Variants in FBXL7 observed in about 807,000 individuals in gnomAD.
FBXL7 encodes the protein F-box/LRR-repeat protein 7.
Under a neutral mutation model 38.3 loss-of-function variants are expected in FBXL7, and 12 were observed. The observed-to-expected ratio is 0.31, with a 90% CI of 0.20 to 0.51. FBXL7 has a LOEUF of 0.51. Ranked by LOEUF, FBXL7 falls within the 20% of genes least tolerant of loss-of-function variation. The pLI is 0.98. For synonymous variants in FBXL7, 297 were observed against 300.9 expected (o/e 0.99, Z 0.13); for missense variants, 567 against 676.4 (o/e 0.84, Z 1.79).
intron 2 of FBXL7, among the ~76,000 whole-genome samples, chr5:15,754,494 A>T (rs529962451): frequency 1.3e-5 from 2 of 152,320 alleles, no homozygotes; most frequent in South Asian, 4.1e-4. Flanking sequence ...AGTGTAAATG[A>T]TGTGACACAT....
chr5:15,757,942 A>G (rs1412454462), intron 2 of FBXL7, among the ~76,000 whole-genome samples: 1 of 152,102 alleles, frequency 6.6e-6, no homozygotes, highest in Non-Finnish European at 1.5e-5. Flanking sequence ...GATGAGCCCA[A>G]ATGGTTCCCT....
intron 2 of FBXL7, among the ~76,000 whole-genome samples, chr5:15,806,959 C>CT (rs1364058543): frequency 2.4e-4 from 36 of 151,090 alleles, no homozygotes; most frequent in Admixed American, 7.2e-4. Context: ...TTTTCTTTTC[C>CT]TTTTTTTTGA....
intron 2 of FBXL7, among the ~76,000 whole-genome samples, chr5:15,788,936 C>T (rs1279325857): frequency 1.3e-5 from 2 of 148,174 alleles, no homozygotes; most frequent in South Asian, 2.2e-4. Flanking sequence ...CTGCAAGCTC[C>T]GCCTCCCGGG....
At chr5:15,866,926 A>G (rs774576953) in intron 2 of FBXL7, among the ~76,000 whole-genome samples, 4 of 152,042 alleles carry the variant, frequency 2.6e-5, no homozygotes, top group Non-Finnish European at 4.4e-5. Context: ...CATCACTTAT[A>G]TGGAATGGGG....
chr5:15,791,083 G>A (rs1006380238), intron 2 of FBXL7, among the ~76,000 whole-genome samples: 1 of 122,826 alleles, frequency 8.1e-6, no homozygotes, highest in South Asian at 3.1e-4. Flanking sequence ...GGGGGGGGGG[G>A]TTATTGCATG....
intron 2 of FBXL7, among the ~76,000 whole-genome samples, chr5:15,904,883 C>T (rs1290862876): frequency 6.6e-6 from 1 of 152,112 alleles, no homozygotes; most frequent in Non-Finnish European, 1.5e-5. Flanking sequence ...TACTAGGATA[C>T]TGAATATGCA....
At position 15,936,769 on chromosome 5, in the gene FBXL7, G is replaced by A. The variant is rs1263545970; in HGVS notation, c.1059G>A (p.Arg353=). 3.7e-6 allele frequency: 6 copies of A among 1,611,236 alleles called. No homozygotes were observed. The highest frequency in any genetic ancestry group is 1.1e-5 in the South Asian group (1 of 90,830). ...TCGCCAAGCTGGAGTCCCGCCTGCG[G>A]TACCTGAGCATCGCGCACTGCGGCC... ...REIAKLESRL[R]YLSIAHCGRV... is the part of the protein sequence containing the mutation. Residue 353 remains arginine, a synonymous_variant, in exon 4 of 4, where the codon CGG becomes CGA. Transcript: ENST00000504595. This position sits in a 1 kb window ranked among gnomAD's most constrained non-coding sequence, Gnocchi z 6.0.
At chr5:15,783,468 C>T (rs1266874555) in intron 2 of FBXL7, among the ~76,000 whole-genome samples, 1 of 152,056 alleles carries the variant, frequency 6.6e-6, no homozygotes. Flanking sequence ...GTAAGCCACC[C>T]ATGAATGAGA....
At chr5:15,503,982 T>C (rs1736572897) in intron 1 of FBXL7, among the ~76,000 whole-genome samples, 2 of 152,266 alleles carry the variant, frequency 1.3e-5, no homozygotes, top group Admixed American at 1.3e-4. Flanking sequence ...AGGCTTACCT[T>C]AGCAGATGTA....
chr5:15,758,153 A>G (rs1736347631), intron 2 of FBXL7, among the ~76,000 whole-genome samples: 1 of 152,116 alleles, frequency 6.6e-6, no homozygotes, highest in Non-Finnish European at 1.5e-5. Context: ...TACCATCAGA[A>G]TATTTTTAAA....
rs1051286647 is a variant in FBXL7 at position 15,625,992 on chromosome 5, T to A, written c.127+9920T>A. ...GGGGGGCCTTAAGAGGAAGAGATTCTGAAGTCAGAAATGTGGTATTAGGAG... is the reference window on the plus strand; with the variant it reads ...GGGGGGCCTTAAGAGGAAGAGATTCAGAAGTCAGAAATGTGGTATTAGGAG... On this transcript the variant is annotated intron_variant, in intron 2 of 3. Transcript: ENST00000504595. Among the ~76,000 whole-genome samples, 73 of 152,198 alleles carry A rather than the reference T, an allele frequency of 4.8e-4. 1 individual carries two copies. The highest frequency in any genetic ancestry group is 4.5e-3 in the Admixed American group (68 of 15,272).
chr5:15,854,881 A>G (rs1333166042), intron 2 of FBXL7, among the ~76,000 whole-genome samples: 1 of 152,164 alleles, frequency 6.6e-6, no homozygotes, highest in East Asian at 1.9e-4. Context: ...ACTCAGTCAA[A>G]CCAAAAAAAA....
chr5:15,528,520 G>C (rs950930811), intron 1 of FBXL7, among the ~76,000 whole-genome samples: 4 of 152,174 alleles, frequency 2.6e-5, no homozygotes, highest in African/African-American at 9.7e-5. Flanking sequence ...AAGGTAAAAG[G>C]CATGACTTAC....
rs186770433 is a variant in FBXL7 at position 15,877,767 on chromosome 5, A to G, written c.128-50123A>G. Among the ~76,000 whole-genome samples the G allele has an allele frequency of 3.0e-3, 458 of 152,262 alleles. 3 individuals carry two copies. The highest frequency in any genetic ancestry group is 0.01 in the Middle Eastern group (3 of 294). ...TTAAAATAACTCATAATGCTTTCTA[A>G]ATTTTTGCGGGTCTGATCACCTGTT... On this transcript the variant is annotated intron_variant, in intron 2 of 3. Transcript: ENST00000504595.
chr5:15,842,940 C>T (rs1352695145), intron 2 of FBXL7, among the ~76,000 whole-genome samples: 5 of 152,162 alleles, frequency 3.3e-5, no homozygotes, highest in African/African-American at 4.8e-5. Flanking sequence ...AGCTGTACCA[C>T]ATTTTATTAC....
intron 2 of FBXL7, among the ~76,000 whole-genome samples, chr5:15,853,006 A>T (rs1457127900): frequency 5.9e-5 from 9 of 152,162 alleles, no homozygotes; most frequent in Admixed American, 2.0e-4. Flanking sequence ...AGCTTTAGAT[A>T]TATTGATTTA....
At chr5:15,565,541 T>G (rs1472042825) in intron 1 of FBXL7, among the ~76,000 whole-genome samples, 1 of 150,828 alleles carries the variant, frequency 6.6e-6, no homozygotes, top group Non-Finnish European at 1.5e-5. Flanking sequence ...TTATAATCTT[T>G]ATATATATAA....
Position 15,845,878 on chromosome 5 carries a change from G to A in FBXL7, c.128-82012G>A, listed in dbSNP as rs202230104. On this transcript the variant is annotated intron_variant, in intron 2 of 3. Transcript: ENST00000504595. ...CCCAGCTACTCGGGAGGCTGAGGCA[G>A]GAGAATGGCGTGAACCCCAGGAGGC... Among the ~76,000 whole-genome samples, 9 of 152,344 alleles carry A rather than the reference G, an allele frequency of 5.9e-5. No homozygotes were observed. The East Asian group carries it at 1.7e-3, about 29-fold the overall frequency.
chr5:15,749,535 G>A (rs1475003736), intron 2 of FBXL7, among the ~76,000 whole-genome samples: 3 of 152,028 alleles, frequency 2.0e-5, no homozygotes, highest in Non-Finnish European at 4.4e-5. Flanking sequence ...GCTGAGGCAG[G>A]AGAATGGCGT....
Sources: allele counts gnomAD v4.1 joint callset (sites outside exome capture counted in the v4.1 genomes callset), GRCh38; gene constraint gnomAD v4.1.1; non-coding constraint Gnocchi (gnomAD v3.1); transcripts MANE v1.5; gene names NCBI Gene and HGNC (gene_info 2026-07-23, HGNC 2026-07-21).